ARHGEF11: variants seen among roughly 807,000 people sequenced by gnomAD.
ARHGEF11 encodes the protein Rho guanine nucleotide exchange factor 11.
Under a neutral mutation model 193.7 loss-of-function variants are expected in ARHGEF11, and 55 were observed. The ratio of observed to expected loss-of-function variants is 0.28; its 90% CI spans 0.23 to 0.36. The LOEUF is 0.36. Among genes scored for constraint, ARHGEF11 ranks in the 10% least tolerant of loss-of-function variants. ARHGEF11 has a pLI of 1.00. For synonymous variants in ARHGEF11, 693 were observed against 768.0 expected, an observed-to-expected ratio of 0.90 and a Z score of 1.62; for missense variants, 1,723 against 2,005.6, an observed-to-expected ratio of 0.86 and a Z score of 2.69.
At position 156,976,973 on chromosome 1, in the gene ARHGEF11, G is replaced by A. The variant is rs1215610488; in HGVS notation, c.582+10C>T. 3 of 1,613,256 alleles carry A rather than the reference G, an allele frequency of 1.9e-6. No individual in the cohort carries two copies. Among genetic ancestry groups the A allele is most frequent in the Non-Finnish European group, 2.5e-6 (3 of 1,179,178 alleles). Reference sequence around the variant, plus strand: ...GGCAATGGCCAGTCTACCCTTGGCAGTGACCTTACCTGTAATTCTTTTTCT... The same window carrying A: ...GGCAATGGCCAGTCTACCCTTGGCAATGACCTTACCTGTAATTCTTTTTCT... On this transcript the variant is annotated intron_variant, in intron 7 of 40. Coordinates refer to ENST00000368194, the MANE Select transcript of ARHGEF11 (RefSeq NM_198236.3).
chr1:156,979,361 CTTTTTTT>C (rs36031299), intron 4 of ARHGEF11, 75 bp from the exon 5 acceptor site: 63 of 507,178 alleles, frequency 1.2e-4, no homozygotes, highest in South Asian at 2.2e-4. Flanking sequence ...CAAAATGCCA[CTTTTTTT>C]TTTTTTTTTT....
At chr1:156,946,282 C>G in intron 28 of ARHGEF11, 120 bp from the exon 29 acceptor site, 1 of 765,952 alleles carries the variant, frequency 1.3e-6, no homozygotes, top group Non-Finnish European at 2.1e-6. Flanking sequence ...ATGGATCACT[C>G]AGAAATGGCA....
At position 156,979,213 on chromosome 1, in the gene ARHGEF11, C is replaced by T; in HGVS notation, c.331+16G>A. The T allele has an allele frequency of 6.2e-7, 1 of 1,613,298 alleles. No individual in the cohort carries two copies. Among genetic ancestry groups the T allele is most frequent in the Non-Finnish European group, 8.5e-7 (1 of 1,179,314 alleles). On this transcript the variant is annotated intron_variant, in intron 5 of 40. Coordinates refer to ENST00000368194, the MANE Select transcript of ARHGEF11 (RefSeq NM_198236.3). ...ATCTGCTTCCCTACTTTAGTTGTCA[C>T]CTCTCTCCAACTCACATTTGATCAG...
intron 1 of ARHGEF11, among the ~76,000 whole-genome samples, chr1:157,028,409 C>T (rs1291788262): frequency 6.6e-6 from 1 of 151,836 alleles, no homozygotes; most frequent in Admixed American, 6.6e-5. Context: ...TTCTCATGTT[C>T]CAAAGGGAAA....
At chr1:156,997,494 G>A (rs1252969443) in intron 1 of ARHGEF11, among the ~76,000 whole-genome samples, 1 of 152,176 alleles carries the variant, frequency 6.6e-6, no homozygotes, top group Non-Finnish European at 1.5e-5. Context: ...AGGAAAGGCT[G>A]GAGGCCCAGA....
chr1:156,947,248 G>C, intron 26 of ARHGEF11, 56 bp downstream of exon 26: 1 of 1,559,886 alleles, frequency 6.4e-7, no homozygotes, highest in Non-Finnish European at 8.6e-7. Flanking sequence ...GGCCAAAGTG[G>C]AACAGGAAGC....
chr1:156,977,090 G>C, intron 6 of ARHGEF11, 36 bp from the exon 7 acceptor site: 6 of 1,557,196 alleles, frequency 3.9e-6, no homozygotes, highest in Non-Finnish European at 5.3e-6. Context: ...AAGAGTTAGG[G>C]ACTAACTCAA....
intron 11 of ARHGEF11, among the ~76,000 whole-genome samples, chr1:156,964,786 C>T (rs999855626): frequency 2.6e-5 from 4 of 152,152 alleles, no homozygotes; most frequent in African/African-American, 9.7e-5. Flanking sequence ...TCCTCCTCTC[C>T]GAAACACCCT....
chr1:156,988,492 G>A (rs961282990), intron 1 of ARHGEF11, among the ~76,000 whole-genome samples: 8 of 152,078 alleles, frequency 5.3e-5, no homozygotes, highest in Admixed American at 1.3e-4. Context: ...GGGACACCTC[G>A]GGCCTTCTTG....
chr1:156,969,733 C>G (rs941665195), intron 9 of ARHGEF11, among the ~76,000 whole-genome samples: 1 of 152,250 alleles, frequency 6.6e-6, no homozygotes, highest in African/African-American at 2.4e-5. Context: ...CAGGAGCTGT[C>G]AGGCAAGCTG....
chr1:156,958,985 G>T, intron 16 of ARHGEF11, 61 bp downstream of exon 16: 1 of 1,610,210 alleles, frequency 6.2e-7, no homozygotes, highest in South Asian at 1.1e-5. Context: ...GAGGGAAGGA[G>T]CCAGGGCCAA....
In ARHGEF11 at chr1:156,958,764, G is replaced by A. The variant is rs2102112967; in HGVS notation, c.1480C>T (p.Leu494=). The change falls in exon 17 of 41, where the codon CTG becomes TTG. Residue 494 remains leucine, a synonymous_variant. Transcript: ENST00000368194. ...LRERQVAEKQ[L]AALGDILSKY... ...CACAAAATATCTCCAAGGGCAGCCA[G>A]CTGCTTCTCAGCCACTTGGCGCTCT... 1 of 1,614,222 alleles carries A rather than the reference G, an allele frequency of 6.2e-7. No individual in the cohort carries two copies. Among genetic ancestry groups the A allele is most frequent in the Non-Finnish European group, 8.5e-7 (1 of 1,180,028 alleles).
At position 156,963,498 on chromosome 1, in the gene ARHGEF11, G is replaced by A. The variant is rs1282510343; in HGVS notation, c.1038+22C>T. ...GTATGACAAAAAAAAATGATGAAAG[G>A]AGAAAACTAGGAAACCGTTACCTCG... On this transcript the variant is annotated intron_variant, in intron 12 of 40. Transcript: ENST00000368194. 1.9e-6 allele frequency: 3 copies of A among 1,608,552 alleles called. No homozygotes were observed. In the South Asian group the frequency reaches 3.3e-5, roughly 18 times the overall value.
chr1:156,961,066 C>T (rs1372227679), intron 14 of ARHGEF11, among the ~76,000 whole-genome samples: 1 of 152,224 alleles, frequency 6.6e-6, no homozygotes, highest in Non-Finnish European at 1.5e-5. Flanking sequence ...TAGCTTACTG[C>T]CAAAAGAATA....
intron 13 of ARHGEF11, 124 bp downstream of exon 13, chr1:156,963,079 C>T: frequency 1.4e-6 from 1 of 738,832 alleles, no homozygotes; most frequent in South Asian, 1.7e-5. Flanking sequence ...TTTGTCTGTC[C>T]TTGAAATGCC....
chr1:157,011,402 T>C (rs1025656336), intron 1 of ARHGEF11, among the ~76,000 whole-genome samples: 1 of 152,084 alleles, frequency 6.6e-6, no homozygotes, highest in Admixed American at 6.6e-5. Flanking sequence ...TAGGAATAAA[T>C]CTTTGTGACC....
At chr1:157,020,681 C>T (rs1669863385) in intron 1 of ARHGEF11, among the ~76,000 whole-genome samples, 1 of 152,188 alleles carries the variant, frequency 6.6e-6, no homozygotes, top group Non-Finnish European at 1.5e-5. Flanking sequence ...AGCACACTTT[C>T]ATTTGCCTTT....
At chr1:156,956,710 G>T in intron 18 of ARHGEF11, 146 bp from the exon 19 acceptor site, 2 of 1,265,638 alleles carry the variant, frequency 1.6e-6, no homozygotes, top group Non-Finnish European at 2.1e-6. Flanking sequence ...AATTAAATGG[G>T]ACAGCAGGCA....
At position 156,945,088 on chromosome 1, in the gene ARHGEF11, C is replaced by G; in HGVS notation, c.2922G>C (p.Glu974Asp). Residue 974 changes from glutamate to aspartate, a missense_variant, in exon 30 of 41, where the codon GAG becomes GAC. Physicochemically the swap from Glu to Asp is conservative, Grantham distance 45. This residue lies in a region of ARHGEF11 where 491 missense variants were observed against 654.5 expected (regional missense o/e 0.75). Coordinates refer to ENST00000368194, the MANE Select transcript of ARHGEF11 (RefSeq NM_198236.3). ...TGGCATCCAGGCGTTTCTGGTAGCCCTCTAAACGGTGGCGGTTCTCTGTTT... is the reference window on the plus strand; with the variant it reads ...TGGCATCCAGGCGTTTCTGGTAGCCGTCTAAACGGTGGCGGTTCTCTGTTT... ...VKQTENRHRL[E>D]GYQKRLDATA... is the part of the protein sequence containing the mutation. 6.2e-7 allele frequency: 1 copy of G among 1,614,222 alleles called. No individual in the cohort carries two copies. Among genetic ancestry groups the G allele is most frequent in the Non-Finnish European group, 8.5e-7 (1 of 1,180,030 alleles).
Sources: allele counts gnomAD v4.1 joint callset (sites outside exome capture counted in the v4.1 genomes callset), GRCh38; gene constraint gnomAD v4.1.1; regional missense constraint gnomAD v4.1.1; transcripts MANE v1.5; gene names NCBI Gene and HGNC (gene_info 2026-07-23, HGNC 2026-07-21).